The following CHN2 variants were observed in gnomAD, a reference collection of about 807,000 sequenced individuals.
CHN2 encodes beta-chimaerin.
A neutral mutation model predicts 56.3 loss-of-function variants in CHN2; 35 were observed. The ratio of observed to expected loss-of-function variants is 0.62; its 90% CI spans 0.47 to 0.82. CHN2 has a LOEUF of 0.82. CHN2 is among the 40% of genes least tolerant of loss of function. The probability of loss-of-function intolerance (pLI) is 0.00; values close to 1 mark genes in which losing one functional copy is unlikely to be tolerated. For synonymous variants in CHN2, 210 were observed against 212.8 expected (o/e 0.99, Z 0.12); for missense variants, 491 against 580.5 (o/e 0.85, Z 1.58).
At chr7:29,391,342 AGGGAG>A (rs201568926) in intron 3 of CHN2, among the ~76,000 whole-genome samples, 2,013 of 84,084 alleles carry the variant, frequency 0.024, 23 homozygotes, top group Non-Finnish European at 0.032. Flanking sequence ...GGGAAGAGGA[AGGGAG>A]GGGAGGGGAG....
At chr7:29,212,490 A>G (rs1238673122) in intron 1 of CHN2, 8 of 1,582,494 alleles carry the variant, frequency 5.1e-6, no homozygotes, top group Non-Finnish European at 6.9e-6. Flanking sequence ...CTTATTCAGG[A>G]CAGCCCTGAT....
intron 1 of CHN2, among the ~76,000 whole-genome samples, chr7:29,211,134 G>A (rs1182704791): frequency 1.3e-5 from 2 of 151,762 alleles, no homozygotes; most frequent in African/African-American, 4.8e-5. Flanking sequence ...GCAGTGGCGC[G>A]ATCTCGGCTC....
At chr7:29,257,592 CCATTGTCTTCTTTTTA>C (rs1789177653) in intron 1 of CHN2, among the ~76,000 whole-genome samples, 1 of 152,158 alleles carries the variant, frequency 6.6e-6, no homozygotes, top group Admixed American at 6.5e-5. Flanking sequence ...TGCATCCAAT[CCATTGTCTTCTTTTTA>C]CACATGAGGA....
In CHN2 at chr7:29,345,063, G is replaced by T. The variant is rs936032555; in HGVS notation, c.50-9562G>T. On this transcript the variant is annotated intron_variant, in intron 1 of 12. Coordinates refer to ENST00000222792, the MANE Select transcript of CHN2 (RefSeq NM_004067.4). ...TTTGTGCCTAGCTGAGAGGGCAAGT[G>T]GGGGCTGAACACAGCCTGGGCTCCC... Among the ~76,000 whole-genome samples the T allele has an allele frequency of 3.9e-5, 6 of 152,166 alleles. No individual in the cohort carries two copies. In the East Asian group the frequency reaches 5.8e-4, roughly 15 times the overall value.
At chr7:29,316,301 T>G (rs1330356026) in intron 1 of CHN2, among the ~76,000 whole-genome samples, 1 of 152,252 alleles carries the variant, frequency 6.6e-6, no homozygotes, top group Non-Finnish European at 1.5e-5. Context: ...TAATGCATAA[T>G]AAAATCAGGT....
chr7:29,174,135 C>A (rs905970095), intron 2 of CHN2, among the ~76,000 whole-genome samples: 5 of 151,954 alleles, frequency 3.3e-5, no homozygotes, highest in Non-Finnish European at 7.4e-5. Context: ...TGGAGAGACC[C>A]CCCCGTTTGG....
chr7:29,433,837 T>TAAA (rs1418330256), intron 6 of CHN2, among the ~76,000 whole-genome samples: 1 of 119,566 alleles, frequency 8.4e-6, no homozygotes, highest in African/African-American at 3.7e-5. Flanking sequence ...AGACTCCATC[T>TAAA]AAACAAAAAA....
chr7:29,316,897 C>A (rs1794993451), intron 1 of CHN2, among the ~76,000 whole-genome samples: 1 of 151,734 alleles, frequency 6.6e-6, no homozygotes, highest in Non-Finnish European at 1.5e-5. Flanking sequence ...ATTTGCTCTG[C>A]TGATAAAAAA....
At chr7:29,364,037 G>C (rs367663664) in intron 2 of CHN2, among the ~76,000 whole-genome samples, 1 of 152,114 alleles carries the variant, frequency 6.6e-6, no homozygotes, top group African/African-American at 2.4e-5. Context: ...AACAGACCAG[G>C]GGCTTTGGAA....
At chr7:29,462,645 G>A (rs1785247589) in intron 6 of CHN2, among the ~76,000 whole-genome samples, 1 of 152,162 alleles carries the variant, frequency 6.6e-6, no homozygotes, top group East Asian at 1.9e-4. Flanking sequence ...TGGGATAGTT[G>A]AACTTTTTGC....
At chr7:29,322,045 A>G (rs910466975) in intron 1 of CHN2, among the ~76,000 whole-genome samples, 4 of 152,226 alleles carry the variant, frequency 2.6e-5, no homozygotes, top group African/African-American at 9.6e-5. Flanking sequence ...ATGTGTTGTT[A>G]AAAGCCATTT....
chr7:29,413,204 C>T (rs1372745031), intron 6 of CHN2, among the ~76,000 whole-genome samples: 1 of 152,098 alleles, frequency 6.6e-6, no homozygotes, highest in African/African-American at 2.4e-5. Flanking sequence ...TAATGAAGTC[C>T]AAGTATCAGA....
chr7:29,376,074 A>G lies in CHN2; in HGVS notation c.144+8087A>G, dbSNP rs111967950. Reference sequence around the variant, plus strand: ...GTGGCCTGTCCAACCAAGCACTGAGAGGCTTGGACGTAGATTTCTGACCTT... The same window carrying G: ...GTGGCCTGTCCAACCAAGCACTGAGGGGCTTGGACGTAGATTTCTGACCTT... On this transcript the variant is annotated intron_variant, in intron 3 of 12. Transcript: ENST00000222792. 9.3e-3 allele frequency among the ~76,000 whole-genome samples: 1,415 copies of G among 152,310 alleles called. 20 individuals carry two copies. The highest frequency in any genetic ancestry group is 0.032 in the African/African-American group (1,320 of 41,570).
chr7:29,446,500 G>A (rs555349597), intron 6 of CHN2, among the ~76,000 whole-genome samples: 1 of 152,144 alleles, frequency 6.6e-6, no homozygotes, highest in East Asian at 1.9e-4. Flanking sequence ...TTAGCTCTGC[G>A]ATTGCCCCAG....
At chr7:29,354,595 G>A (rs1798140755) in intron 1 of CHN2, 30 bp from the exon 2 acceptor site, 3 of 1,585,942 alleles carry the variant, frequency 1.9e-6, no homozygotes, top group East Asian at 2.2e-5. Flanking sequence ...TCAGGCTGAT[G>A]ATGGATTTCT....
At chr7:29,180,591 T>C (rs1251876320) in intron 2 of CHN2, among the ~76,000 whole-genome samples, 1 of 152,096 alleles carries the variant, frequency 6.6e-6, no homozygotes, top group Non-Finnish European at 1.5e-5. Context: ...CTTAAATCTG[T>C]ATAAATCAAA....
intron 2 of CHN2, among the ~76,000 whole-genome samples, chr7:29,155,117 C>A (rs566327516): frequency 6.6e-6 from 1 of 152,212 alleles, no homozygotes; most frequent in South Asian, 2.1e-4. Flanking sequence ...TACCTCCCAC[C>A]AGGTCCCTCC....
intron 1 of CHN2, among the ~76,000 whole-genome samples, chr7:29,311,993 C>G (rs1482806723): frequency 6.6e-6 from 1 of 152,076 alleles, no homozygotes; most frequent in African/African-American, 2.4e-5. Flanking sequence ...ACTCCTGTAT[C>G]CATGCTTCTC....
chr7:29,263,484 C>T lies in CHN2; in HGVS notation c.49+68494C>T, dbSNP rs527827650. Among the ~76,000 whole-genome samples the T allele has an allele frequency of 2.6e-4, 40 of 151,052 alleles. No individual in the cohort carries two copies. In the East Asian group the frequency reaches 6.6e-3, roughly 25 times the overall value. On this transcript the variant is annotated intron_variant, in intron 1 of 12. Transcript: ENST00000222792. ...GAAGTGAGGAGCGTCTCTGCCTGGC[C>T]GCCCATCGTCTGGGATGTGAGGAGC...
Sources: allele counts gnomAD v4.1 joint callset (sites outside exome capture counted in the v4.1 genomes callset), GRCh38; gene constraint gnomAD v4.1.1; transcripts MANE v1.5; gene names NCBI Gene and HGNC (gene_info 2026-07-23, HGNC 2026-07-21).